Variants in TLL1 observed in about 807,000 individuals in gnomAD.
The protein encoded by TLL1 is tolloid like 1, also known as tolloid-like protein 1.
In TLL1, 49 loss-of-function variants were observed where a neutral mutation model predicts 128.2. The observed-to-expected ratio is 0.38, with a 90% CI of 0.30 to 0.48. The LOEUF is 0.48. Ranked by LOEUF, TLL1 falls within the 20% of genes least tolerant of loss-of-function variation. The pLI is 0.96. For synonymous variants in TLL1, 454 were observed against 418.8 expected (o/e 1.08, Z -1.03); for missense variants, 1,123 against 1,242.0 (o/e 0.90, Z 1.44).
intron 16 of TLL1, among the ~76,000 whole-genome samples, chr4:166,067,136 C>T (rs537363766): frequency 5.9e-5 from 9 of 151,780 alleles, no homozygotes; most frequent in East Asian, 5.8e-4. Flanking sequence ...CCCAACATTA[C>T]GCAATATACC....
intron 1 of TLL1, among the ~76,000 whole-genome samples, chr4:165,875,801 C>T (rs375114282): frequency 6.6e-6 from 1 of 152,034 alleles, no homozygotes; most frequent in South Asian, 2.1e-4. Context: ...TACTTTGATA[C>T]CCTGTTCTGT....
intron 6 of TLL1, among the ~76,000 whole-genome samples, chr4:166,004,607 G>A (rs1230139346): frequency 6.6e-6 from 1 of 152,108 alleles, no homozygotes; most frequent in Non-Finnish European, 1.5e-5. Flanking sequence ...AGTTGTAAAG[G>A]AATGGAAATT....
chr4:165,971,388 A>G (rs1735621533), intron 1 of TLL1, among the ~76,000 whole-genome samples: 2 of 152,226 alleles, frequency 1.3e-5, no homozygotes, highest in South Asian at 4.1e-4. Context: ...GCTTCATTTG[A>G]TGCCAGACGT....
intron 1 of TLL1, among the ~76,000 whole-genome samples, chr4:165,956,948 A>T (rs192627440): frequency 1.3e-5 from 2 of 152,228 alleles, no homozygotes; most frequent in East Asian, 1.9e-4. Context: ...GCAGCTTCAC[A>T]ATTGCATCTA....
intron 1 of TLL1, among the ~76,000 whole-genome samples, chr4:165,899,360 G>A (rs1486086368): frequency 6.6e-6 from 1 of 152,114 alleles, no homozygotes; most frequent in African/African-American, 2.4e-5. Context: ...TGGGCATTTA[G>A]TGCTATAAAT....
chr4:165,889,769 A>T (rs1412389087), intron 1 of TLL1, among the ~76,000 whole-genome samples: 7 of 152,088 alleles, frequency 4.6e-5, no homozygotes, highest in Non-Finnish European at 8.8e-5. Flanking sequence ...ATCATCAGTC[A>T]TTTCAGTTTT....
intron 14 of TLL1, among the ~76,000 whole-genome samples, chr4:166,059,766 C>G (rs939179180): frequency 2.0e-5 from 3 of 151,810 alleles, no homozygotes; most frequent in African/African-American, 7.3e-5. Context: ...AAATTGCTCC[C>G]CCTACTTTAA....
rs544063122 is a variant in TLL1 at position 165,947,259 on chromosome 4, C to G, written c.170-42122C>G. Among the ~76,000 whole-genome samples, 5 of 152,110 alleles carry G rather than the reference C, an allele frequency of 3.3e-5. No individual in the cohort carries two copies. In the South Asian group the frequency reaches 1.0e-3, roughly 32 times the overall value. ...GTTTCTTCTTTTGAGGATGCTAATC[C>G]TATCAAATCAAGACCCCATCCTTAA... On this transcript the variant is annotated intron_variant, in intron 1 of 20. Transcript: ENST00000061240.
intron 1 of TLL1, among the ~76,000 whole-genome samples, chr4:165,956,235 A>G (rs1232679342): frequency 1.3e-5 from 2 of 152,112 alleles, no homozygotes; most frequent in Non-Finnish European, 2.9e-5. Flanking sequence ...CTTGATAAAC[A>G]TCTTAAACAA....
chr4:166,078,445 C>T (rs569783396), intron 18 of TLL1, among the ~76,000 whole-genome samples: 33 of 152,242 alleles, frequency 2.2e-4, no homozygotes, highest in South Asian at 4.1e-4. Flanking sequence ...CATATACATA[C>T]GTATTTTTCA....
chr4:166,043,946 C>T (rs1396994324), intron 12 of TLL1, among the ~76,000 whole-genome samples: 2 of 151,768 alleles, frequency 1.3e-5, no homozygotes, highest in African/African-American at 2.4e-5. Context: ...TATTAGATGA[C>T]GGGTCAGAAG....
chr4:165,990,391 T>G (rs1354507838), intron 2 of TLL1, among the ~76,000 whole-genome samples: 1 of 152,034 alleles, frequency 6.6e-6, no homozygotes, highest in African/African-American at 2.4e-5. Context: ...CTTTCTGATA[T>G]CAAATGCACA....
chr4:165,992,216 G>A (rs76584766), intron 2 of TLL1, among the ~76,000 whole-genome samples: 32 of 151,912 alleles, frequency 2.1e-4, no homozygotes, highest in East Asian at 7.7e-4. Flanking sequence ...CTGAACATTC[G>A]TTTGGATTCC....
Position 166,043,268 on chromosome 4 carries a change from C to T in TLL1, c.1379-6C>T, listed in dbSNP as rs770907683. On this transcript the variant is annotated splice_region_variant and splice_polypyrimidine_tract_variant and intron_variant, in intron 11 of 20. Coordinates refer to ENST00000061240, the MANE Select transcript of TLL1 (RefSeq NM_012464.5). The stretch of plus-strand genomic sequence containing the variant: ...AGTTATTTGTTTATTTTTTGGCTTT[C>T]TTCAGCGATCTGTGGAGGTGAGATA... The T allele has an allele frequency of 1.9e-6, 3 of 1,613,992 alleles. No homozygotes were observed. In the East Asian group the frequency reaches 6.7e-5, roughly 36 times the overall value.
At chr4:166,023,205 C>A (rs1224669351) in intron 8 of TLL1, among the ~76,000 whole-genome samples, 1 of 152,164 alleles carries the variant, frequency 6.6e-6, no homozygotes, top group Non-Finnish European at 1.5e-5. Flanking sequence ...TCAAGACCAG[C>A]CTGTCCAACA....
intron 20 of TLL1, among the ~76,000 whole-genome samples, chr4:166,099,957 G>A (rs76795122): frequency 0.1 from 15,319 of 151,990 alleles, 1,277 homozygotes; most frequent in East Asian, 0.42. Context: ...ATTTGGAGGC[G>A]GTGGCAGGGT....
At chr4:165,886,853 G>A (rs761269128) in intron 1 of TLL1, among the ~76,000 whole-genome samples, 2 of 152,150 alleles carry the variant, frequency 1.3e-5, no homozygotes, top group South Asian at 2.1e-4. Context: ...GCACAGAGGA[G>A]GGAATGCATT....
chr4:165,937,816 G>T (rs1733830176), intron 1 of TLL1, among the ~76,000 whole-genome samples: 2 of 150,588 alleles, frequency 1.3e-5, no homozygotes, highest in African/African-American at 4.9e-5. Context: ...ATTTTTCTGG[G>T]CATCTTAATT....
chr4:165,909,042 C>G (rs555917586), intron 1 of TLL1, among the ~76,000 whole-genome samples: 73 of 152,180 alleles, frequency 4.8e-4, no homozygotes, highest in African/African-American at 7.5e-4. Context: ...ACTAAGAATA[C>G]AAAAATTAGC....
Sources: allele counts gnomAD v4.1 joint callset (sites outside exome capture counted in the v4.1 genomes callset), GRCh38; gene constraint gnomAD v4.1.1; transcripts MANE v1.5; gene names NCBI Gene and HGNC (gene_info 2026-07-23, HGNC 2026-07-21).